Variants in NLE1 observed in about 807,000 individuals in gnomAD.
NLE1 encodes notchless protein homolog 1.
NLE1 carries 37 observed loss-of-function variants against 62.8 expected under a neutral mutation model. The ratio of observed to expected loss-of-function variants is 0.59; its 90% confidence interval spans 0.45 to 0.78. The LOEUF is 0.78. Ranked by LOEUF, NLE1 falls within the 30% of genes least tolerant of loss-of-function variation. The probability of loss-of-function intolerance (pLI) is 0.00; values close to 1 mark genes in which losing one functional copy is unlikely to be tolerated. For synonymous variants in NLE1, 243 were observed against 253.0 expected, an observed-to-expected ratio of 0.96 and a Z score of 0.37; for missense variants, 555 against 637.9, an observed-to-expected ratio of 0.87 and a Z score of 1.40.
At chr17:35,136,852 CTCCT>C (rs561213321) in intron 7 of NLE1, 145 bp downstream of exon 7, 2 of 771,556 alleles carry the variant, frequency 2.6e-6, no homozygotes, top group Non-Finnish European at 4.3e-6. Flanking sequence ...AACCACAGAA[CTCCT>C]CATTCCCAAA....
rs772375900 is a variant in NLE1, at chr17:35,137,772, GC to G, written c.537+41del. The stretch of plus-strand genomic sequence containing the variant: ...TGATTCTGAACTGTCTCCTAGGAAG[GC>G]CCCCTTGAGTCTCTGCCTAGTTACC... On this transcript the variant is annotated intron_variant, in intron 5 of 12. Transcript: ENST00000442241. 120 of 1,499,268 alleles carry G rather than the reference GC, an allele frequency of 8.0e-5. 1 individual carries two copies. In the African/African-American group the frequency reaches 1.2e-3, roughly 15 times the overall value. The allele number at this position is 1,499,268 out of a possible 1,614,324, so 92.9% of individuals were successfully genotyped here. A position where few individuals can be genotyped will look rare whatever the true frequency, so the allele number is the denominator to read the frequency against.
Position 35,136,188 on chromosome 17 carries a change from C to T in NLE1, c.992G>A (p.Ser331Asn), listed in dbSNP as rs958186946. The T allele has an allele frequency of 1.2e-6, 2 of 1,614,054 alleles. No homozygotes were observed. The highest frequency in any genetic ancestry group is 1.7e-6 in the Non-Finnish European group (2 of 1,180,028). Residue 331 changes from serine (S) to asparagine (N), a missense_variant, in exon 9 of 13, where the codon AGC (serine) becomes AAC (asparagine). Transcript: ENST00000442241. ...ACTCACCCGCACGAGGTTGTATCGG[C>T]TCAGAGCCCTCTCCTTCAACTCCTG... ...SLQELKERAL[S>N]RYNLVRGQGP...
At chr17:35,132,706 T>G (rs1353027090) in intron 12 of NLE1, among the ~76,000 whole-genome samples, 2 of 152,122 alleles carry the variant, frequency 1.3e-5, no homozygotes, top group African/African-American at 4.8e-5. Context: ...CACACAACAC[T>G]TTGTCTTCCA....
At chr17:35,136,045 A>C in intron 9 of NLE1, 124 bp downstream of exon 9, 1 of 910,514 alleles carries the variant, frequency 1.1e-6, no homozygotes. Flanking sequence ...GATTATGAAG[A>C]ACAACTTTTT....
At chr17:35,136,596 C>T (rs2091910375) in intron 7 of NLE1, 99 bp from the exon 8 acceptor site, 3 of 1,428,298 alleles carry the variant, frequency 2.1e-6, no homozygotes, top group African/African-American at 2.8e-5. Context: ...ATCATCATCA[C>T]TCATGCATTG....
At chr17:35,134,998 G>A (rs943266472) in intron 10 of NLE1, 3 of 576,754 alleles carry the variant, frequency 5.2e-6, no homozygotes, top group Non-Finnish European at 6.6e-6. Flanking sequence ...GTTGTAATGA[G>A]CCAAGATCGT....
In NLE1 at chr17:35,129,258, T is replaced by G. The variant is rs1597884651; in HGVS notation, c.*3179A>C. 1 of 844,554 alleles carries G rather than the reference T, an allele frequency of 1.2e-6. No homozygotes were observed. 52.3% of individuals were successfully genotyped at this position (844,554 alleles called of 1,614,324 possible). The stretch of plus-strand genomic sequence containing the variant: ...AGTAGTACATGCTTCGGGGCAGGGG[T>G]TCCACACTCAGTGCTGCAGTACCTT... On this transcript the variant is annotated 3_prime_UTR_variant, in exon 13 of 13. Transcript: ENST00000442241.
At chr17:35,141,865 G>T in intron 2 of NLE1, 114 bp downstream of exon 2, 1 of 1,224,846 alleles carries the variant, frequency 8.2e-7, no homozygotes, top group Non-Finnish European at 1.1e-6. Context: ...ACGCCAGGTG[G>T]GTCACCACAG....
chr17:35,139,396 G>T, intron 3 of NLE1, 82 bp from the exon 4 acceptor site: 1 of 1,137,642 alleles, frequency 8.8e-7, no homozygotes, highest in Non-Finnish European at 1.3e-6. Context: ...ATAGAATATG[G>T]AACTGGACTC....
rs761893208 is a variant in NLE1, at chr17:35,130,272, T to A, written c.*2165A>T. On this transcript the variant is annotated 3_prime_UTR_variant, in exon 13 of 13. Coordinates refer to ENST00000442241, the MANE Select transcript of NLE1 (RefSeq NM_018096.5). The stretch of plus-strand genomic sequence containing the variant: ...AAGGAACTCTGAAGGGTTTTCTTGT[T>A]TCACTTCAGTTTGCAACCCTGGCCA... 1 of 1,612,780 alleles carries A rather than the reference T, an allele frequency of 6.2e-7. No individual in the cohort carries two copies. The highest frequency in any genetic ancestry group is 1.7e-5 in the Admixed American group (1 of 59,772).
rs760851654 is a variant in NLE1 at position 35,133,424 on chromosome 17, A to C, written c.1289T>G (p.Val430Gly). The change falls in exon 11 of 13, where the codon GTC becomes GGC. Residue 430 changes from valine (V) to glycine (G), a missense_variant. Val to Gly is a moderately radical substitution (Grantham distance 109). Coordinates refer to ENST00000442241, the MANE Select transcript of NLE1 (RefSeq NM_018096.5). ...CAGTGTGCTGTCACTGCTGCCGCTG[A>C]CCAGGAGCCGACTGTCAGCTGACCA... ...IAWSADSRLL[V>G]SGSSDSTLKV... The C allele has an allele frequency of 1.2e-6, 2 of 1,614,036 alleles. No individual in the cohort carries two copies.
At position 35,130,300 on chromosome 17, in the gene NLE1, G is replaced by T. The variant is rs752598812; in HGVS notation, c.*2137C>A. 1 of 1,613,954 alleles carries T rather than the reference G, an allele frequency of 6.2e-7. No individual in the cohort carries two copies. The highest frequency in any genetic ancestry group is 1.7e-5 in the Admixed American group (1 of 59,954). ...ACTTCAGTTTGCAACCCTGGCCACTGACTTCAGCAGCTTTCCTGAGAACTA... is the reference window on the plus strand; with the variant it reads ...ACTTCAGTTTGCAACCCTGGCCACTTACTTCAGCAGCTTTCCTGAGAACTA... On this transcript the variant is annotated 3_prime_UTR_variant, in exon 13 of 13. Transcript: ENST00000442241.
At chr17:35,141,916 A>C in intron 2 of NLE1, 63 bp downstream of exon 2, 2 of 1,506,522 alleles carry the variant, frequency 1.3e-6, no homozygotes, top group Non-Finnish European at 1.8e-6. Context: ...CCTCGGTAAT[A>C]TGATTCCCCC....
intron 8 of NLE1, 34 bp from the exon 9 acceptor site, chr17:35,136,249 T>A (rs760262182): frequency 1.9e-6 from 3 of 1,613,586 alleles, no homozygotes; most frequent in South Asian, 2.2e-5. Flanking sequence ...GAAAAGGAGA[T>A]GAGGAAGAAG....
chr17:35,141,552 CAAAAAAA>C (rs549704502), intron 2 of NLE1, among the ~76,000 whole-genome samples: 8 of 83,608 alleles, frequency 9.6e-5, no homozygotes, highest in Non-Finnish European at 1.5e-4. Context: ...GACTCCGTCT[CAAAAAAA>C]AAAAAAAAAA....
At position 35,137,829 on chromosome 17, in the gene NLE1, G is replaced by T; in HGVS notation, c.522C>A (p.Gly174=). 1 of 1,613,240 alleles carries T rather than the reference G, an allele frequency of 6.2e-7. No homozygotes were observed. The change falls in exon 5 of 13, where the codon GGC becomes GGA. Residue 174 remains glycine (G), a synonymous_variant. Coordinates refer to ENST00000442241, the MANE Select transcript of NLE1 (RefSeq NM_018096.5). The part of the protein sequence containing the change: ...WSPDGRKLAS[G]CKNGQILLWD... ...AACTACCTACCTGGCCATTCTTGCA[G>T]CCTGAGGCCAGCTTCCTGCCATCTG...
At position 35,130,011 on chromosome 17, in the gene NLE1, C is replaced by G. The variant is rs966781999; in HGVS notation, c.*2426G>C. The G allele has an allele frequency of 5.1e-6, 7 of 1,369,662 alleles. No individual in the cohort carries two copies. Among genetic ancestry groups the G allele is most frequent in the Non-Finnish European group, 6.6e-6 (7 of 1,063,406 alleles). The allele number at this position is 1,369,662 out of a possible 1,614,324, so 84.8% of individuals were successfully genotyped here. A position where few individuals can be genotyped will look rare whatever the true frequency, so the allele number is the denominator to read the frequency against. ...GGGAAGACAAGAGGCTAAAGGGGGA[C>G]GAAGAAGGGAACAGCCTGGGTATGG... is the stretch of plus-strand genomic sequence containing the variant. On this transcript the variant is annotated 3_prime_UTR_variant, in exon 13 of 13. Transcript: ENST00000442241.
At chr17:35,137,315 C>G in intron 6 of NLE1, 122 bp from the exon 7 acceptor site, 1 of 978,606 alleles carries the variant, frequency 1.0e-6, no homozygotes, top group African/African-American at 1.6e-5. Flanking sequence ...GACACCAAGA[C>G]CCGGCTGCAC....
intron 4 of NLE1, among the ~76,000 whole-genome samples, chr17:35,138,454 CTCTT>C (rs761680320): frequency 7.2e-5 from 11 of 152,282 alleles, no homozygotes; most frequent in Non-Finnish European, 1.2e-4. Context: ...TTCTCTCTCT[CTCTT>C]TCTTTCATGG....
Sources: gnomAD v4.1 joint callset for allele counts (sites outside exome capture counted in the v4.1 genomes callset) on GRCh38, gnomAD v4.1.1 for gene constraint, MANE v1.5 for transcripts, NCBI Gene and HGNC (gene_info 2026-07-23, HGNC 2026-07-21) for gene names.